Variants in ZNF280B observed in about 807,000 individuals in gnomAD.
The protein encoded by ZNF280B is zinc finger protein 280B, also known as suppressor of hairy wing homolog 2.
A neutral mutation model predicts 38.0 loss-of-function variants in ZNF280B; 16 were observed. That is an observed-to-expected ratio of 0.42 (90% CI 0.28 to 0.64). The LOEUF (loss-of-function observed/expected upper bound fraction) is 0.64. Ranked by LOEUF, ZNF280B falls within the 30% of genes least tolerant of loss-of-function variation. The pLI is 0.21. For synonymous variants in ZNF280B, 253 were observed against 230.6 expected (o/e 1.10, Z -0.88); for missense variants, 581 against 639.6 (o/e 0.91, Z 0.99).
chr22:22,505,531 ACT>A (rs2061919348), intron 2 of ZNF280B, among the ~76,000 whole-genome samples: 1 of 151,768 alleles, frequency 6.6e-6, no homozygotes, highest in South Asian at 2.1e-4. Context: ...ATGCCACTGC[ACT>A]CCAGCCTGGG....
chr22:22,505,433 G>C (rs941045568), intron 2 of ZNF280B, among the ~76,000 whole-genome samples: 19 of 151,852 alleles, frequency 1.3e-4, no homozygotes, highest in Non-Finnish European at 2.8e-4. Context: ...AAGTGTGCTG[G>C]CACGTGCCTG....
At chr22:22,501,142 A>G (rs1275356638) in intron 2 of ZNF280B, among the ~76,000 whole-genome samples, 1 of 151,836 alleles carries the variant, frequency 6.6e-6, no homozygotes, top group African/African-American at 2.4e-5. Flanking sequence ...GCATTGTTTC[A>G]GTTCTGCAAG....
At chr22:22,489,820 ACAC>A (rs1334779287) in intron 3 of ZNF280B, among the ~76,000 whole-genome samples, 10 of 151,972 alleles carry the variant, frequency 6.6e-5, no homozygotes, top group African/African-American at 2.4e-4. Context: ...AGTCTGCCAC[ACAC>A]CAGATGCTTC....
intron 2 of ZNF280B, among the ~76,000 whole-genome samples, chr22:22,498,864 C>G (rs1399460905): frequency 8.0e-6 from 1 of 124,732 alleles, no homozygotes; most frequent in Non-Finnish European, 1.6e-5. Flanking sequence ...GTGGCGTGAT[C>G]TCGGCTCACT....
chr22:22,506,021 G>T (rs1274216299), intron 2 of ZNF280B, among the ~76,000 whole-genome samples: 1 of 151,048 alleles, frequency 6.6e-6, no homozygotes, highest in African/African-American at 2.4e-5. Flanking sequence ...TAAGAAGTCG[G>T]ACTCTAGATA....
At chr22:22,492,777 T>C (rs569859349) in intron 3 of ZNF280B, among the ~76,000 whole-genome samples, 1 of 151,302 alleles carries the variant, frequency 6.6e-6, no homozygotes, top group Non-Finnish European at 1.5e-5. Flanking sequence ...TCCCAGCTAC[T>C]TGGGAGGCTG....
At chr22:22,500,474 A>C (rs1162293327) in intron 2 of ZNF280B, among the ~76,000 whole-genome samples, 1 of 151,976 alleles carries the variant, frequency 6.6e-6, no homozygotes, top group Non-Finnish European at 1.5e-5. Context: ...TATGCCAAAT[A>C]AAATAAACCA....
chr22:22,495,158 T>C (rs1329418402), intron 2 of ZNF280B, among the ~76,000 whole-genome samples: 3 of 151,978 alleles, frequency 2.0e-5, no homozygotes, highest in Non-Finnish European at 4.4e-5. Flanking sequence ...AACCCCAGGA[T>C]TGTGGGGCTG....
At chr22:22,490,266 A>AT (rs1463074336) in intron 3 of ZNF280B, among the ~76,000 whole-genome samples, 23 of 152,046 alleles carry the variant, frequency 1.5e-4, no homozygotes, top group African/African-American at 5.5e-4. Context: ...AAGCAGATTG[A>AT]TTGTGTTAAA....
rs1206807991 is a variant in ZNF280B, at chr22:22,489,321, T to C, written c.78A>G (p.Glu26=). ...NIQETKQVDD[E]DAELIFVGVE... is the part of the protein sequence containing the mutation. ...CACCAACAAAGATGAGCTCAGCATC[T>C]TCGTCATCTACTTGTTTGGTTTCTT... The change falls in exon 4 of 4, where the codon GAA becomes GAG. Residue 26 remains glutamate, a synonymous_variant. Coordinates refer to ENST00000626650, the MANE Select transcript of ZNF280B (RefSeq NM_080764.4). The C allele has an allele frequency of 1.2e-6, 2 of 1,613,812 alleles. No individual in the cohort carries two copies. The highest frequency in any genetic ancestry group is 3.3e-5 in the Admixed American group (2 of 59,966).
chr22:22,484,531 A>G lies in ZNF280B; in HGVS notation c.*3236T>C, dbSNP rs1465296403. On this transcript the variant is annotated 3_prime_UTR_variant, in exon 4 of 4. Transcript: ENST00000626650. ...AAAGAACAAGCGAGCAAAATAGACA[A>G]GGAAATTCACAAAGGGCAATAACAA... 6.6e-6 allele frequency: 1 copy of G among 152,468 alleles called. No homozygotes were observed. The allele number at this position is 152,468 out of a possible 1,614,324, so 9.4% of individuals were successfully genotyped here. A position where few individuals can be genotyped will look rare whatever the true frequency, so the allele number is the denominator to read the frequency against.
At chr22:22,497,200 T>C (rs2061715506) in intron 2 of ZNF280B, among the ~76,000 whole-genome samples, 1 of 104,730 alleles carries the variant, frequency 9.5e-6, no homozygotes, top group African/African-American at 3.7e-5. Context: ...AATCTTGGTC[T>C]CCATCTTTAA....
At chr22:22,491,520 G>A (rs1165823699) in intron 3 of ZNF280B, among the ~76,000 whole-genome samples, 3 of 144,470 alleles carry the variant, frequency 2.1e-5, no homozygotes, top group East Asian at 2.1e-4. Flanking sequence ...GTACAGTGGC[G>A]CAATCTCAGC....
In ZNF280B at chr22:22,487,873, G is replaced by C. The variant is rs781001526; in HGVS notation, c.1526C>G (p.Pro509Arg). The change falls in exon 4 of 4, where the codon CCT becomes CGT. Residue 509 changes from proline to arginine, a missense_variant. Physicochemically the swap from Pro to Arg is moderately radical, Grantham distance 103. Transcript: ENST00000626650. ...TKVTIQVSLE[P>R]LQPGSVDVAS... ...TACATCCACTGATCCTGGCTGAAGAGGTTCCAGCGACACTTGAATAGTAAC... is the reference window on the plus strand; with the variant it reads ...TACATCCACTGATCCTGGCTGAAGACGTTCCAGCGACACTTGAATAGTAAC... 5.0e-6 allele frequency: 8 copies of C among 1,613,804 alleles called. No homozygotes were observed. The highest frequency in any genetic ancestry group is 6.8e-6 in the Non-Finnish European group (8 of 1,179,934).
At chr22:22,496,238 A>C (rs977271500) in intron 2 of ZNF280B, among the ~76,000 whole-genome samples, 2 of 150,088 alleles carry the variant, frequency 1.3e-5, no homozygotes, top group Non-Finnish European at 3.0e-5. Flanking sequence ...CTGGGACTAT[A>C]GGTGTGCGCC....
chr22:22,501,019 CAAAAAA>C (rs56907724), intron 2 of ZNF280B, among the ~76,000 whole-genome samples: 4 of 60,266 alleles, frequency 6.6e-5, no homozygotes, highest in African/African-American at 2.1e-4. Flanking sequence ...GACTCCGTCT[CAAAAAA>C]AAAAAAAAAA....
chr22:22,489,873 T>C (rs181108922), intron 3 of ZNF280B, among the ~76,000 whole-genome samples: 2 of 152,080 alleles, frequency 1.3e-5, no homozygotes, highest in African/African-American at 2.4e-5. Flanking sequence ...TATTTTGCTA[T>C]CTTAAAGGCA....
intron 2 of ZNF280B, among the ~76,000 whole-genome samples, chr22:22,504,836 T>C (rs1350924496): frequency 6.6e-6 from 1 of 151,938 alleles, no homozygotes; most frequent in East Asian, 2.0e-4. Flanking sequence ...ATCAAGGTAG[T>C]ATTTGAGACG....
chr22:22,502,655 A>G (rs771132281), intron 2 of ZNF280B, among the ~76,000 whole-genome samples: 2 of 152,038 alleles, frequency 1.3e-5, no homozygotes, highest in South Asian at 2.1e-4. Context: ...CACTAAGTGA[A>G]TAACACCAGA....
Sources: gnomAD v4.1 joint callset for allele counts (sites outside exome capture counted in the v4.1 genomes callset) on GRCh38, gnomAD v4.1.1 for gene constraint, MANE v1.5 for transcripts, NCBI Gene and HGNC (gene_info 2026-07-23, HGNC 2026-07-21) for gene names.